GUCY1A2: variants seen among roughly 807,000 people sequenced by gnomAD.
GUCY1A2 encodes guanylate cyclase soluble subunit alpha-2.
In GUCY1A2, 27 loss-of-function variants were observed where a neutral mutation model predicts 63.5. The ratio of observed to expected loss-of-function variants is 0.43; its 90% CI spans 0.31 to 0.59. The LOEUF (loss-of-function observed/expected upper bound fraction) is 0.59. GUCY1A2 is among the 20% of genes least tolerant of loss of function. The pLI is 0.11. For missense variants in GUCY1A2, 768 were observed against 913.3 expected, an observed-to-expected ratio of 0.84 and a Z score of 2.05; for synonymous variants, 364 against 343.5, an observed-to-expected ratio of 1.06 and a Z score of -0.66.
chr11:107,002,575 G>T (rs1251695376), intron 1 of GUCY1A2, among the ~76,000 whole-genome samples: 1 of 152,124 alleles, frequency 6.6e-6, no homozygotes. Context: ...GAGGATAGGA[G>T]AAAACCCGAA....
intron 1 of GUCY1A2, among the ~76,000 whole-genome samples, chr11:107,015,578 A>C (rs1861810669): frequency 3.4e-5 from 5 of 147,418 alleles, no homozygotes; most frequent in African/African-American, 1.2e-4. Flanking sequence ...AAAAAAAAAA[A>C]AAAAAAAAAA....
At chr11:106,987,442 G>T (rs914347050) in intron 1 of GUCY1A2, among the ~76,000 whole-genome samples, 16 of 152,206 alleles carry the variant, frequency 1.1e-4, no homozygotes, top group Non-Finnish European at 5.9e-5. Context: ...CTTGAGGTCA[G>T]GAGTTCAAGA....
intron 4 of GUCY1A2, among the ~76,000 whole-genome samples, chr11:106,899,817 G>T (rs1031571157): frequency 3.3e-5 from 5 of 152,112 alleles, no homozygotes; most frequent in African/African-American, 7.2e-5. Flanking sequence ...GGGCACGGTG[G>T]CTCACGCCTG....
chr11:106,736,257 T>C (rs1299589790), intron 6 of GUCY1A2, among the ~76,000 whole-genome samples: 1 of 152,156 alleles, frequency 6.6e-6, no homozygotes, highest in African/African-American at 2.4e-5. Flanking sequence ...AGTAGTTTCA[T>C]AGTTTGAGGT....
chr11:106,731,416 C>A (rs901190177), intron 6 of GUCY1A2, among the ~76,000 whole-genome samples: 1 of 152,046 alleles, frequency 6.6e-6, no homozygotes, highest in Admixed American at 6.6e-5. Flanking sequence ...ATGACAAATC[C>A]ACAATCAACA....
At chr11:107,010,971 C>T (rs1861735616) in intron 1 of GUCY1A2, among the ~76,000 whole-genome samples, 2 of 152,060 alleles carry the variant, frequency 1.3e-5, no homozygotes, top group Admixed American at 6.6e-5. Context: ...CTCAGGCAAT[C>T]CATCTGCCTC....
intron 1 of GUCY1A2, among the ~76,000 whole-genome samples, chr11:107,016,312 G>C (rs193008307): frequency 8.4e-4 from 128 of 152,332 alleles, no homozygotes; most frequent in Admixed American, 1.6e-3. Context: ...CCAAGGTCAG[G>C]GTGAGCATAA....
intron 5 of GUCY1A2, among the ~76,000 whole-genome samples, chr11:106,787,572 C>A (rs10890585): frequency 0.95 from 41,932 of 43,976 alleles, 19,950 homozygotes; most frequent in East Asian, 0.99. Context: ...GAGACAGAGA[C>A]AGAAGGAAAG....
At chr11:106,788,465 C>A (rs1864603453) in intron 5 of GUCY1A2, among the ~76,000 whole-genome samples, 1 of 152,124 alleles carries the variant, frequency 6.6e-6, no homozygotes, top group Non-Finnish European at 1.5e-5. Flanking sequence ...TCTGCCCACT[C>A]CAATGTCCTG....
chr11:106,826,934 G>A, intron 4 of GUCY1A2: 3 of 1,610,056 alleles, frequency 1.9e-6, no homozygotes, highest in African/African-American at 1.3e-5. Flanking sequence ...TCTATATTCG[G>A]TGTAACTCCT....
intron 3 of GUCY1A2, among the ~76,000 whole-genome samples, chr11:106,944,214 C>CAAAAAAAAAAAAA (rs1487076744): frequency 7.5e-5 from 1 of 13,376 alleles, no homozygotes; most frequent in African/African-American, 8.2e-4. Flanking sequence ...GACCCTGTCT[C>CAAAAAAAAAAAAA]CAAAAAAAAA....
chr11:106,908,896 A>C (rs2119855070), intron 4 of GUCY1A2, among the ~76,000 whole-genome samples: 1 of 152,170 alleles, frequency 6.6e-6, no homozygotes, highest in South Asian at 2.1e-4. Flanking sequence ...ATTTGGGATC[A>C]TATGTTCCAC....
intron 6 of GUCY1A2, among the ~76,000 whole-genome samples, chr11:106,752,217 G>A (rs1863893137): frequency 1.3e-5 from 2 of 152,152 alleles, no homozygotes; most frequent in South Asian, 2.1e-4. Flanking sequence ...AAATATAAAC[G>A]TAACAAAACC....
At chr11:106,792,552 A>G (rs992738550) in intron 5 of GUCY1A2, among the ~76,000 whole-genome samples, 1 of 152,188 alleles carries the variant, frequency 6.6e-6, no homozygotes, top group African/African-American at 2.4e-5. Context: ...AAGGCTTTCA[A>G]TAAAATTCAA....
At chr11:106,746,545 C>G in intron 6 of GUCY1A2, 1 of 1,531,716 alleles carries the variant, frequency 6.5e-7, no homozygotes, top group Non-Finnish European at 8.9e-7. Flanking sequence ...AAGTGAAGCT[C>G]ATTACCTTTT....
chr11:106,939,071 T>C (rs557687180), intron 4 of GUCY1A2, among the ~76,000 whole-genome samples: 2 of 152,356 alleles, frequency 1.3e-5, no homozygotes, highest in South Asian at 2.1e-4. Flanking sequence ...AGGTAACTTT[T>C]AGCATATGTA....
intron 1 of GUCY1A2, among the ~76,000 whole-genome samples, chr11:106,987,040 G>A (rs567412877): frequency 6.6e-6 from 1 of 152,272 alleles, no homozygotes; most frequent in Admixed American, 6.5e-5. Flanking sequence ...AGGAAGTTAT[G>A]ATAAGAAGAA....
chr11:106,810,292 A>C lies in GUCY1A2; in HGVS notation c.1393T>G (p.Leu465Val). The change falls in exon 5 of 8, where the codon TTG becomes GTG. Residue 465 changes from leucine (L) to valine (V), a missense_variant. Around this residue, in one of 3 missense-constraint regions of GUCY1A2, gnomAD observed 122 missense variants for 238.1 expected, o/e 0.51. Transcript: ENST00000526355. ...TTTAATTTATCCATCCTTTTCTTCA[A>C]CCCATCTTGGGCCTTTGCCTGCTCA... ...VGEQAKAQDGLKKRMDKLKAT... is the reference protein window; with the variant it reads ...VGEQAKAQDGVKKRMDKLKAT... 1 of 1,613,800 alleles carries C rather than the reference A, an allele frequency of 6.2e-7. No homozygotes were observed. The highest frequency in any genetic ancestry group is 2.2e-5 in the East Asian group (1 of 44,866).
At chr11:106,788,255 G>A (rs1018187772) in intron 5 of GUCY1A2, among the ~76,000 whole-genome samples, 1 of 150,982 alleles carries the variant, frequency 6.6e-6, no homozygotes, top group African/African-American at 2.4e-5. Context: ...TTCCTATTGA[G>A]TTGTTTGAGC....
Sources: gnomAD v4.1 joint callset for allele counts (sites outside exome capture counted in the v4.1 genomes callset) on GRCh38, gnomAD v4.1.1 for gene constraint, gnomAD v4.1.1 regional missense constraint, MANE v1.5 for transcripts, NCBI Gene and HGNC (gene_info 2026-07-23, HGNC 2026-07-21) for gene names.